EYA3: variants seen among roughly 807,000 people sequenced by gnomAD.
The protein encoded by EYA3 is EYA transcriptional coactivator and phosphatase 3.
EYA3 carries 39 observed loss-of-function variants against 80.0 expected under a neutral mutation model. The observed-to-expected ratio is 0.49, with a 90% confidence interval of 0.38 to 0.64. The LOEUF (loss-of-function observed/expected upper bound fraction) is 0.64, where lower values mean the gene tolerates loss of function less well. Ranked by LOEUF, EYA3 falls within the 30% of genes least tolerant of loss-of-function variation. The probability of loss-of-function intolerance (pLI) is 0.00; values close to 1 mark genes in which losing one functional copy is unlikely to be tolerated. For missense variants in EYA3, 523 were observed against 676.1 expected (o/e 0.77, Z 2.51); for synonymous variants, 206 against 232.8 (o/e 0.88, Z 1.05).
intron 2 of EYA3, among the ~76,000 whole-genome samples, chr1:28,048,805 T>C (rs982632540): frequency 3.9e-5 from 6 of 152,202 alleles, no homozygotes; most frequent in Non-Finnish European, 8.8e-5. Flanking sequence ...CTCATTTATT[T>C]AACAAAAATG....
At position 28,013,259 on chromosome 1, in the gene EYA3, C is replaced by T; in HGVS notation, c.621G>A (p.Gln207=). The T allele has an allele frequency of 1.9e-6, 3 of 1,614,032 alleles. No individual in the cohort carries two copies. The highest frequency in any genetic ancestry group is 2.5e-6 in the Non-Finnish European group (3 of 1,179,954). ...TGGAGCTGGGGTAGCAGGCCTGGTA[C>T]TGATTCTGACCAAGAATAGTATAGG... ...YPTYTILGQN[Q]YQACYPSSSF... The change falls in exon 9 of 18, where the codon CAG becomes CAA. Residue 207 remains glutamine, a synonymous_variant. Transcript: ENST00000373871. The surrounding 1 kb of genome is among the most constrained non-coding windows in gnomAD (Gnocchi z 4.0).
At chr1:28,077,432 T>C (rs1024212780) in intron 1 of EYA3, among the ~76,000 whole-genome samples, 5 of 152,186 alleles carry the variant, frequency 3.3e-5, no homozygotes, top group Non-Finnish European at 7.3e-5. Context: ...AACAGGAAGA[T>C]GTGTTCCAAA....
Position 28,013,124 on chromosome 1 carries a change from C to G in EYA3, c.756G>C (p.Gln252His), listed in dbSNP as rs1428998642. The change falls in exon 9 of 18, where the codon CAG becomes CAC. Residue 252 changes from glutamine to histidine, a missense_variant. Gln to His is a conservative substitution (Grantham distance 24, BLOSUM62 0). Coordinates refer to ENST00000373871, the MANE Select transcript of EYA3 (RefSeq NM_001990.4). This position sits in a 1 kb window ranked among gnomAD's most constrained non-coding sequence, Gnocchi z 4.0. ...PSVMAPAPAA[Q>H]RLSSGDPSTS... ...TGCGGTGCTTACCAGAGGAAAGTCT[C>G]TGTGCTGCAGGTGCAGGCGCCATGA... The G allele has an allele frequency of 6.2e-7, 1 of 1,612,764 alleles. No individual in the cohort carries two copies. Among genetic ancestry groups the G allele is most frequent in the East Asian group, 2.2e-5 (1 of 44,880 alleles).
At position 28,058,035 on chromosome 1, in the gene EYA3, A is replaced by G; in HGVS notation, c.-9T>C. 2 of 1,585,078 alleles carry G rather than the reference A, an allele frequency of 1.3e-6. No individual in the cohort carries two copies. The highest frequency in any genetic ancestry group is 2.2e-5 in the East Asian group (1 of 44,486). Reference sequence around the variant, plus strand: ...TCTTGCTCTTCTTCCATGAGGACCAATATTTCTTTATTATACTTATGTGAC... The same window carrying G: ...TCTTGCTCTTCTTCCATGAGGACCAGTATTTCTTTATTATACTTATGTGAC... On this transcript the variant is annotated 5_prime_UTR_variant, in exon 2 of 18. Transcript: ENST00000373871.
chr1:27,977,288 T>G (rs1638982510), intron 17 of EYA3: 1 of 1,549,262 alleles, frequency 6.5e-7, no homozygotes, highest in African/African-American at 1.4e-5. Flanking sequence ...AATCTCATAG[T>G]TTATTATAGT....
At chr1:28,038,962 G>A in intron 4 of EYA3, 57 bp from the exon 5 acceptor site, 1 of 1,117,906 alleles carries the variant, frequency 8.9e-7, no homozygotes. Flanking sequence ...AAAATGGAAT[G>A]GGAAAACTGC....
intron 5 of EYA3, among the ~76,000 whole-genome samples, chr1:28,036,120 T>C (rs1263219831): frequency 6.6e-6 from 1 of 152,200 alleles, no homozygotes; most frequent in Non-Finnish European, 1.5e-5. Flanking sequence ...CGGCCTAAAA[T>C]GGCTCTTATG....
chr1:28,038,787 A>C (rs531742677), intron 5 of EYA3, 52 bp downstream of exon 5: 1 of 1,036,726 alleles, frequency 9.6e-7, no homozygotes, highest in African/African-American at 1.6e-5. Context: ...TAAATTTTGC[A>C]ATGAATCTAC....
intron 2 of EYA3, among the ~76,000 whole-genome samples, chr1:28,055,661 GGGTCTCCCCATGTTGGCCAGGCT>G (rs977233810): frequency 6.6e-6 from 1 of 151,842 alleles, no homozygotes; most frequent in Non-Finnish European, 1.5e-5. Flanking sequence ...AGTAGAGATG[GGGTCTCCCCATGTTGGCCAGGCT>G]GGTCTCAAAC....
intron 1 of EYA3, among the ~76,000 whole-genome samples, chr1:28,062,628 G>A (rs1694960199): frequency 6.7e-6 from 1 of 149,310 alleles, no homozygotes; most frequent in Non-Finnish European, 1.5e-5. Flanking sequence ...AAAGCTCTTA[G>A]GCTTAGGAAG....
At chr1:27,998,158 T>G (rs889090627) in intron 12 of EYA3, 4 of 220,378 alleles carry the variant, frequency 1.8e-5, no homozygotes, top group African/African-American at 9.4e-5. Context: ...TTTTTAAAAA[T>G]GCATATTCTT....
intron 1 of EYA3, among the ~76,000 whole-genome samples, chr1:28,068,264 G>A (rs1044205758): frequency 6.6e-6 from 1 of 151,460 alleles, no homozygotes; most frequent in African/African-American, 2.4e-5. Context: ...CCCGGGAGGT[G>A]GAGATTGCAG....
At chr1:28,029,476 C>A (rs1309657418) in intron 6 of EYA3, among the ~76,000 whole-genome samples, 1 of 152,006 alleles carries the variant, frequency 6.6e-6, no homozygotes, top group Admixed American at 6.6e-5. Flanking sequence ...CAACCATAAA[C>A]AAAGCTTTGC....
At chr1:28,021,046 C>T (rs1360312597) in intron 7 of EYA3, among the ~76,000 whole-genome samples, 4 of 152,178 alleles carry the variant, frequency 2.6e-5, no homozygotes, top group African/African-American at 9.7e-5. Context: ...GGCACAGCTG[C>T]ACCAAGTGAT....
chr1:28,080,394 C>T (rs903540093), intron 1 of EYA3, among the ~76,000 whole-genome samples: 3 of 152,098 alleles, frequency 2.0e-5, no homozygotes, highest in African/African-American at 4.8e-5. Context: ...GAGGTCGAGG[C>T]TGCAGTGAGC....
intron 6 of EYA3, among the ~76,000 whole-genome samples, chr1:28,033,672 T>A (rs1030823788): frequency 9.1e-5 from 13 of 143,168 alleles, no homozygotes; most frequent in Non-Finnish European, 1.5e-4. Flanking sequence ...TATTATTATT[T>A]TTGAGACAGT....
At chr1:28,060,592 A>G (rs1174096788) in intron 1 of EYA3, among the ~76,000 whole-genome samples, 1 of 152,262 alleles carries the variant, frequency 6.6e-6, no homozygotes, top group East Asian at 1.9e-4. Flanking sequence ...GGAAACATTT[A>G]AAGACATTCC....
chr1:28,066,993 A>G (rs988017800), intron 1 of EYA3, among the ~76,000 whole-genome samples: 1 of 152,122 alleles, frequency 6.6e-6, no homozygotes, highest in Non-Finnish European at 1.5e-5. Flanking sequence ...GACTTCATAC[A>G]TATTAAGCTA....
At chr1:28,061,212 T>C (rs538651136) in intron 1 of EYA3, among the ~76,000 whole-genome samples, 3 of 152,344 alleles carry the variant, frequency 2.0e-5, no homozygotes, top group African/African-American at 7.2e-5. Context: ...ACATTCTGTA[T>C]AAAATGCACT....
Sources: gnomAD v4.1 joint callset for allele counts (sites outside exome capture counted in the v4.1 genomes callset) on GRCh38, gnomAD v4.1.1 for gene constraint, Gnocchi (gnomAD v3.1) non-coding constraint, MANE v1.5 for transcripts, NCBI Gene and HGNC (gene_info 2026-07-23, HGNC 2026-07-21) for gene names.